Variants in SUGCT observed in about 807,000 individuals in gnomAD.
SUGCT encodes the protein succinyl-CoA:glutarate-CoA transferase.
SUGCT carries 41 observed loss-of-function variants against 55.0 expected under a neutral mutation model. That is an observed-to-expected ratio of 0.74 (90% CI 0.58 to 0.97). The LOEUF is 0.97. Ranked by LOEUF, SUGCT falls within the 50% of genes least tolerant of loss-of-function variation. SUGCT has a pLI of 0.00. For missense variants in SUGCT, 568 were observed against 547.8 expected (o/e 1.04, Z -0.37); for synonymous variants, 187 against 200.4 (o/e 0.93, Z 0.56).
At chr7:40,714,341 A>C (rs1785897292) in intron 12 of SUGCT, among the ~76,000 whole-genome samples, 1 of 152,128 alleles carries the variant, frequency 6.6e-6, no homozygotes, top group Non-Finnish European at 1.5e-5. Flanking sequence ...AACAAACAAA[A>C]AAAGAAAACA....
chr7:40,968,604 G>A, the SUGCT span, among the ~76,000 whole-genome samples: 1 of 152,292 alleles, frequency 6.6e-6, no homozygotes, highest in African/African-American at 2.4e-5. Context: ...AAGAGACATC[G>A]AAAAACAAAA....
Position 40,274,702 on chromosome 7 carries a change from C to T in SUGCT, c.720+46C>T, listed in dbSNP as rs1026461070. 3 of 1,581,400 alleles carry T rather than the reference C, an allele frequency of 1.9e-6. No homozygotes were observed. The African/African-American group carries it at 4.0e-5, about 21-fold the overall frequency. ...TCAGATAATGTTATAAAAACTGTGT[C>T]TGGGTTATACCTTTTCAGATCAAAT... On this transcript the variant is annotated intron_variant, in intron 8 of 13. Transcript: ENST00000335693.
At chr7:40,857,207 C>T (rs1018275394) in intron 13 of SUGCT, among the ~76,000 whole-genome samples, 6 of 152,120 alleles carry the variant, frequency 3.9e-5, no homozygotes, top group Middle Eastern at 3.2e-3. Flanking sequence ...TTTGGACCTT[C>T]GATATAAATA....
At chr7:40,468,871 A>C (rs1005419578) in intron 11 of SUGCT, among the ~76,000 whole-genome samples, 5 of 152,172 alleles carry the variant, frequency 3.3e-5, no homozygotes, top group Non-Finnish European at 7.3e-5. Flanking sequence ...AAAACAGAGG[A>C]ATCTTCCAAA....
intron 9 of SUGCT, among the ~76,000 whole-genome samples, chr7:40,360,256 C>T (rs1334296599): frequency 6.6e-5 from 10 of 152,176 alleles, no homozygotes; most frequent in Non-Finnish European, 8.8e-5. Flanking sequence ...TCAAGTGACC[C>T]GCCCGCCTTG....
the SUGCT span, among the ~76,000 whole-genome samples, chr7:40,896,508 C>T: frequency 2.0e-5 from 3 of 152,072 alleles, no homozygotes; most frequent in African/African-American, 2.4e-5. Context: ...TTCATGGGGG[C>T]GGTTACCCCC....
At chr7:40,806,513 CATT>C (rs1353677613) in intron 13 of SUGCT, among the ~76,000 whole-genome samples, 1 of 152,056 alleles carries the variant, frequency 6.6e-6, no homozygotes, top group Non-Finnish European at 1.5e-5. Flanking sequence ...CATTTTATAA[CATT>C]AGAGGAATTA....
Position 40,149,531 on chromosome 7 carries a change from G to A in SUGCT, c.100+14411G>A, listed in dbSNP as rs557211700. ...GGGCTGGGCGCGGTGGCTCATGCCC[G>A]TAATCCCAGCACTTTGGGAGGCAAG... is the stretch of plus-strand genomic sequence containing the variant. On this transcript the variant is annotated intron_variant, in intron 1 of 13. Coordinates refer to ENST00000335693, the MANE Select transcript of SUGCT (RefSeq NM_001193313.2). 3.6e-4 allele frequency among the ~76,000 whole-genome samples: 55 copies of A among 152,246 alleles called. No individual in the cohort carries two copies. In the South Asian group the frequency reaches 8.3e-3, roughly 23 times the overall value.
the SUGCT span, among the ~76,000 whole-genome samples, chr7:40,875,777 G>A: frequency 6.6e-6 from 1 of 152,208 alleles, no homozygotes; most frequent in African/African-American, 2.4e-5. Context: ...AGGCTTGGCA[G>A]TCCTAGTCTC....
chr7:40,670,193 A>AG (rs1562937049), intron 12 of SUGCT, among the ~76,000 whole-genome samples: 1 of 141,624 alleles, frequency 7.1e-6, no homozygotes, highest in East Asian at 2.0e-4. Context: ...AAAAAAAAAA[A>AG]GAAGAAGAAG....
the SUGCT span, among the ~76,000 whole-genome samples, chr7:40,952,551 A>G: frequency 3.3e-4 from 50 of 152,286 alleles, no homozygotes; most frequent in African/African-American, 1.2e-3. Context: ...CCTAGCATCA[A>G]TGGTCTTTAC....
the SUGCT span, among the ~76,000 whole-genome samples, chr7:40,890,652 C>T: frequency 1.3e-5 from 2 of 152,142 alleles, no homozygotes; most frequent in African/African-American, 4.8e-5. Flanking sequence ...GTTAGCCTAC[C>T]CAGAACCTCT....
chr7:40,249,201 A>T (rs1790137024), intron 7 of SUGCT, among the ~76,000 whole-genome samples: 1 of 150,660 alleles, frequency 6.6e-6, no homozygotes, highest in African/African-American at 2.4e-5. Context: ...CTGAGGTGGG[A>T]GGATTACTTG....
At chr7:40,308,688 T>A (rs1313058120) in intron 8 of SUGCT, among the ~76,000 whole-genome samples, 1 of 152,166 alleles carries the variant, frequency 6.6e-6, no homozygotes, top group East Asian at 1.9e-4. Context: ...TATTAAAGTC[T>A]TCTAACTGGT....
chr7:40,879,471 C>T, the SUGCT span, among the ~76,000 whole-genome samples: 1 of 152,110 alleles, frequency 6.6e-6, no homozygotes, highest in African/African-American at 2.4e-5. Flanking sequence ...GCTTCTCATA[C>T]CTAACAAAAT....
intron 5 of SUGCT, among the ~76,000 whole-genome samples, 165 bp from the exon 6 acceptor site, chr7:40,194,775 G>A (rs1255844599): frequency 6.6e-6 from 1 of 152,186 alleles, no homozygotes. Context: ...TGACAGTAAT[G>A]CTTTAAGTAG....
At chr7:40,377,237 TCCTTCCTTCCTTCTTTC>T (rs1784645011) in intron 9 of SUGCT, among the ~76,000 whole-genome samples, 1 of 12,418 alleles carries the variant, frequency 8.1e-5, no homozygotes, top group Non-Finnish European at 2.3e-4. Flanking sequence ...TTTCTTCCCT[TCCTTCCTTCCTTCTTTC>T]TTTTTTGAGA....
intron 9 of SUGCT, among the ~76,000 whole-genome samples, chr7:40,320,168 G>A (rs928138068): frequency 4.0e-5 from 6 of 151,714 alleles, no homozygotes; most frequent in Non-Finnish European, 7.4e-5. Context: ...GTGCAGTGGC[G>A]TGATCTTGGC....
At chr7:40,361,703 G>C (rs960445800) in intron 9 of SUGCT, among the ~76,000 whole-genome samples, 1 of 152,118 alleles carries the variant, frequency 6.6e-6, no homozygotes, top group Non-Finnish European at 1.5e-5. Context: ...GTAGTGTTTT[G>C]GTATTTCGAT....
Sources: gnomAD v4.1 joint callset for allele counts (sites outside exome capture counted in the v4.1 genomes callset) on GRCh38, gnomAD v4.1.1 for gene constraint, MANE v1.5 for transcripts, NCBI Gene and HGNC (gene_info 2026-07-23, HGNC 2026-07-21) for gene names.